PPP2R2B: variants seen among roughly 807,000 people sequenced by gnomAD.
PPP2R2B encodes protein phosphatase 2 regulatory subunit Bbeta.
In PPP2R2B, 5 loss-of-function variants were observed where a neutral mutation model predicts 46.0. The observed-to-expected ratio is 0.11, with a 90% CI of 0.06 to 0.23. The LOEUF (loss-of-function observed/expected upper bound fraction) is 0.23. Among genes scored for constraint, PPP2R2B ranks in the 10% least tolerant of loss-of-function variants. The probability of loss-of-function intolerance (pLI) is 1.00; values close to 1 mark genes in which losing one functional copy is unlikely to be tolerated. For missense variants in PPP2R2B, 367 were observed against 575.0 expected, an observed-to-expected ratio of 0.64 and a Z score of 3.70; for synonymous variants, 215 against 206.7, an observed-to-expected ratio of 1.04 and a Z score of -0.34.
intron 1 of PPP2R2B, among the ~76,000 whole-genome samples, chr5:146,944,905 A>G (rs1764431369): frequency 6.6e-6 from 1 of 152,132 alleles, no homozygotes; most frequent in Admixed American, 6.6e-5. Context: ...AAGGTATGGC[A>G]AATTAGTGAT....
chr5:146,698,291 C>A (rs1779302575), intron 3 of PPP2R2B, 147 bp from the exon 4 acceptor site: 1 of 123,496 alleles, frequency 8.1e-6, no homozygotes, highest in Non-Finnish European at 1.3e-5. Flanking sequence ...TAGTCACTAG[C>A]ACCTCTGAAA....
At chr5:146,991,228 T>C (rs892703191) in intron 1 of PPP2R2B, among the ~76,000 whole-genome samples, 1 of 152,150 alleles carries the variant, frequency 6.6e-6, no homozygotes, top group African/African-American at 2.4e-5. Flanking sequence ...TGGGTACATA[T>C]ACAAAGGAAA....
chr5:146,630,858 C>G (rs927938386), intron 7 of PPP2R2B, among the ~76,000 whole-genome samples: 6 of 152,160 alleles, frequency 3.9e-5, no homozygotes, highest in Non-Finnish European at 5.9e-5. Flanking sequence ...TTATTTAATC[C>G]TCACAAGCAC....
At chr5:147,060,106 G>C (rs371033768), upstream of PPP2R2B, among the ~76,000 whole-genome samples, 174 of 152,290 alleles carry the variant, frequency 1.1e-3, no homozygotes, top group African/African-American at 4.1e-3. Context: ...TTAAGTCAAA[G>C]CAAAGCAAAT....
chr5:146,843,221 C>G (rs1178313593), intron 2 of PPP2R2B, among the ~76,000 whole-genome samples: 1 of 152,200 alleles, frequency 6.6e-6, no homozygotes, highest in Non-Finnish European at 1.5e-5. Flanking sequence ...ATGCCAGAAT[C>G]AGTGAATAAT....
intron 1 of PPP2R2B, among the ~76,000 whole-genome samples, chr5:146,982,343 C>T (rs1166421542): frequency 3.9e-5 from 6 of 152,136 alleles, no homozygotes; most frequent in Non-Finnish European, 8.8e-5. Flanking sequence ...TGATTTACTT[C>T]TCAAGTATTA....
intron 1 of PPP2R2B, among the ~76,000 whole-genome samples, chr5:147,029,502 A>G (rs1244242814): frequency 6.6e-6 from 1 of 152,168 alleles, no homozygotes; most frequent in Non-Finnish European, 1.5e-5. Flanking sequence ...TTTGTCCTGT[A>G]TCCAATACCC....
At chr5:146,600,011 C>T (rs1771621040) in intron 8 of PPP2R2B, among the ~76,000 whole-genome samples, 1 of 152,210 alleles carries the variant, frequency 6.6e-6, no homozygotes, top group African/African-American at 2.4e-5. Flanking sequence ...GACTTTTCCA[C>T]CAGATGGTAA....
chr5:147,066,167 A>C (rs186616489), intron 2 of PPP2R2B, among the ~76,000 whole-genome samples: 67 of 152,146 alleles, frequency 4.4e-4, no homozygotes, highest in Non-Finnish European at 8.5e-4. Flanking sequence ...ATAGTTTTGG[A>C]GGAACCATTC....
At chr5:146,911,755 C>T (rs977964193) in intron 1 of PPP2R2B, among the ~76,000 whole-genome samples, 3 of 152,180 alleles carry the variant, frequency 2.0e-5, no homozygotes, top group African/African-American at 7.2e-5. Flanking sequence ...TCATAAGCAA[C>T]CACTTTCTTT....
intron 2 of PPP2R2B, among the ~76,000 whole-genome samples, chr5:146,864,584 C>A (rs1332075304): frequency 6.6e-6 from 1 of 152,020 alleles, no homozygotes; most frequent in Non-Finnish European, 1.5e-5. Flanking sequence ...TACTCATCTA[C>A]AAATGATGCC....
At chr5:146,690,339 C>T (rs936402356) in intron 5 of PPP2R2B, among the ~76,000 whole-genome samples, 6 of 152,208 alleles carry the variant, frequency 3.9e-5, no homozygotes, top group African/African-American at 1.2e-4. Flanking sequence ...TTTTTAATGC[C>T]ACTTTCCTAT....
chr5:146,765,447 T>C (rs2151260078), intron 2 of PPP2R2B, among the ~76,000 whole-genome samples: 1 of 152,362 alleles, frequency 6.6e-6, no homozygotes, highest in Non-Finnish European at 1.5e-5. Flanking sequence ...AAGCCTGCAT[T>C]TGAAGAACAG....
chr5:146,886,371 T>TAAA (rs1375184153), intron 1 of PPP2R2B, among the ~76,000 whole-genome samples: 1 of 75,552 alleles, frequency 1.3e-5, no homozygotes, highest in Non-Finnish European at 2.7e-5. Flanking sequence ...AAATAAATAA[T>TAAA]AAAACTAAAA....
Position 146,878,639 on chromosome 5 carries a change from CG to C in PPP2R2B, c.-174del, listed in dbSNP as rs1264850540. On this transcript the variant is annotated 5_prime_UTR_variant, in exon 1 of 10. Transcript: ENST00000394411. This position sits in a 1 kb window ranked among gnomAD's most constrained non-coding sequence, Gnocchi z 4.5. The stretch of plus-strand genomic sequence containing the variant: ...CCCACGGGAGGGCGGCTCCGGCAGG[CG>C]GGGGTAGGGAAGCTGGCGGGGAGCT... 31 of 1,251,596 alleles carry C rather than the reference CG, an allele frequency of 2.5e-5. No homozygotes were observed. The highest frequency in any genetic ancestry group is 6.7e-4 in the Middle Eastern group (2 of 2,974). The allele number at this position is 1,251,596 out of a possible 1,614,324, so 77.5% of individuals were successfully genotyped here. A position where few individuals can be genotyped will look rare whatever the true frequency, so the allele number is the denominator to read the frequency against.
intron 2 of PPP2R2B, among the ~76,000 whole-genome samples, chr5:146,734,818 CTT>C (rs1291212981): frequency 6.6e-6 from 1 of 152,130 alleles, no homozygotes; most frequent in African/African-American, 2.4e-5. Flanking sequence ...CCTGATGATA[CTT>C]ATGTTTTGGA....
intron 7 of PPP2R2B, among the ~76,000 whole-genome samples, chr5:146,635,849 C>T (rs751559971): frequency 6.6e-6 from 1 of 152,148 alleles, no homozygotes; most frequent in Non-Finnish European, 1.5e-5. Context: ...ATAATGTGAC[C>T]AAGTCAGATT....
intron 1 of PPP2R2B, among the ~76,000 whole-genome samples, chr5:146,983,792 T>C (rs1201550091): frequency 6.6e-6 from 1 of 152,070 alleles, no homozygotes; most frequent in African/African-American, 2.4e-5. Flanking sequence ...CCTTTTTTCT[T>C]CCTTCCTCAT....
At chr5:146,952,898 A>T (rs1751688185) in intron 1 of PPP2R2B, among the ~76,000 whole-genome samples, 1 of 152,186 alleles carries the variant, frequency 6.6e-6, no homozygotes, top group Non-Finnish European at 1.5e-5. Flanking sequence ...AATGTTAGCA[A>T]ATGAATAGAA....
Sources: allele counts gnomAD v4.1 joint callset (sites outside exome capture counted in the v4.1 genomes callset), GRCh38; gene constraint gnomAD v4.1.1; non-coding constraint Gnocchi (gnomAD v3.1); transcripts MANE v1.5; gene names NCBI Gene and HGNC (gene_info 2026-07-23, HGNC 2026-07-21).